KCND2: variants seen among roughly 807,000 people sequenced by gnomAD.
The protein encoded by KCND2 is A-type voltage-gated potassium channel KCND2.
In KCND2, 16 loss-of-function variants were observed where a neutral mutation model predicts 54.4. The ratio of observed to expected loss-of-function variants is 0.29; its 90% confidence interval spans 0.20 to 0.45. KCND2 has a LOEUF of 0.45. KCND2 is among the 20% of genes least tolerant of loss of function. The probability of loss-of-function intolerance (pLI) is 1.00; values close to 1 mark genes in which losing one functional copy is unlikely to be tolerated. For missense variants in KCND2, 486 were observed against 824.2 expected, an observed-to-expected ratio of 0.59 and a Z score of 5.02; for synonymous variants, 317 against 310.7, an observed-to-expected ratio of 1.02 and a Z score of -0.21.
intron 1 of KCND2, among the ~76,000 whole-genome samples, chr7:120,302,115 A>G (rs1799592292): frequency 6.6e-6 from 1 of 152,156 alleles, no homozygotes; most frequent in Non-Finnish European, 1.5e-5. Flanking sequence ...ATCTTTACCT[A>G]GTTAATTCAT....
At chr7:120,380,141 T>G (rs1458782106) in intron 1 of KCND2, among the ~76,000 whole-genome samples, 1 of 152,084 alleles carries the variant, frequency 6.6e-6, no homozygotes, top group African/African-American at 2.4e-5. Context: ...TAGATAACTT[T>G]CAGAAACAGC....
At chr7:120,309,482 C>T (rs34424649) in intron 1 of KCND2, among the ~76,000 whole-genome samples, 4,156 of 56,668 alleles carry the variant, frequency 0.073, 96 homozygotes, top group Non-Finnish European at 0.12. Context: ...TATACACACA[C>T]ACACACACAC....
At position 120,543,048 on chromosome 7, in the gene KCND2, G is replaced by A. The variant is rs558252581; in HGVS notation, c.1116-189855G>A. ...CACAGCCCTCATACAGTATTGACAT[G>A]TATTATAGACATTCACTAAGGTTTT... On this transcript the variant is annotated intron_variant, in intron 1 of 5. Transcript: ENST00000331113. Among the ~76,000 whole-genome samples, 14 of 152,110 alleles carry A rather than the reference G, an allele frequency of 9.2e-5. No homozygotes were observed. The South Asian group carries it at 2.9e-3, about 32-fold the overall frequency.
chr7:120,490,881 T>C (rs1312716621), intron 1 of KCND2, among the ~76,000 whole-genome samples: 1 of 152,146 alleles, frequency 6.6e-6, no homozygotes, highest in Non-Finnish European at 1.5e-5. Context: ...TAAGTAAACC[T>C]GTCATCTCAT....
At chr7:120,364,907 C>G (rs1035003324) in intron 1 of KCND2, among the ~76,000 whole-genome samples, 1 of 151,734 alleles carries the variant, frequency 6.6e-6, no homozygotes, top group Non-Finnish European at 1.5e-5. Context: ...AATTCAGAAG[C>G]CTAACTAAAG....
At chr7:120,355,479 G>T (rs770841586) in intron 1 of KCND2, among the ~76,000 whole-genome samples, 5 of 151,968 alleles carry the variant, frequency 3.3e-5, no homozygotes, top group East Asian at 1.9e-4. Flanking sequence ...CCTGGGAGGT[G>T]GGGGGGTGCA....
intron 4 of KCND2, among the ~76,000 whole-genome samples, chr7:120,745,117 A>G (rs1471322619): frequency 6.6e-6 from 1 of 152,202 alleles, no homozygotes; most frequent in African/African-American, 2.4e-5. Context: ...GAAGATTACA[A>G]AAAAGGCCAC....
At chr7:120,382,105 T>A (rs755302605) in intron 1 of KCND2, among the ~76,000 whole-genome samples, 2 of 151,946 alleles carry the variant, frequency 1.3e-5, no homozygotes, top group Non-Finnish European at 2.9e-5. Flanking sequence ...TTTGGAAGCA[T>A]ATTCCAACCA....
At chr7:120,397,995 G>GTATATA (rs200944488) in intron 1 of KCND2, among the ~76,000 whole-genome samples, 6 of 93,110 alleles carry the variant, frequency 6.4e-5, no homozygotes, top group African/African-American at 2.2e-4. Flanking sequence ...GTGTGTGTGT[G>GTATATA]TATATATATA....
At chr7:120,473,722 G>A (rs1562848674) in intron 1 of KCND2, among the ~76,000 whole-genome samples, 3 of 151,972 alleles carry the variant, frequency 2.0e-5, no homozygotes, top group African/African-American at 7.2e-5. Flanking sequence ...CCAATCCAAA[G>A]TTTTTTTAAA....
intron 1 of KCND2, among the ~76,000 whole-genome samples, chr7:120,679,648 T>C (rs1792115092): frequency 1.3e-5 from 2 of 152,078 alleles, no homozygotes; most frequent in African/African-American, 2.4e-5. Flanking sequence ...CTTAAAAAAA[T>C]GGCTGCCTAA....
At chr7:120,488,225 C>A (rs1802722770) in intron 1 of KCND2, among the ~76,000 whole-genome samples, 1 of 151,770 alleles carries the variant, frequency 6.6e-6, no homozygotes, top group South Asian at 2.1e-4. Context: ...ATGAAAAAAC[C>A]CATATAAAAG....
intron 2 of KCND2, among the ~76,000 whole-genome samples, chr7:120,740,183 A>G (rs1389756786): frequency 6.6e-6 from 1 of 152,054 alleles, no homozygotes; most frequent in Non-Finnish European, 1.5e-5. Flanking sequence ...AATTTCTCAC[A>G]GGATTCTCTA....
chr7:120,470,276 G>GTAAAGAGAGAAAA, intron 1 of KCND2, among the ~76,000 whole-genome samples: 1 of 152,164 alleles, frequency 6.6e-6, no homozygotes, highest in Middle Eastern at 3.4e-3. Flanking sequence ...AGAAAATTTA[G>GTAAAGAGAGAAAA]TTCTAAATGT....
At chr7:120,740,830 T>C (rs1159323457) in intron 2 of KCND2, 2 of 456,184 alleles carry the variant, frequency 4.4e-6, no homozygotes, top group Admixed American at 4.7e-5. Flanking sequence ...AAGAGTGAAA[T>C]ACAAATCAGA....
Position 120,273,957 on chromosome 7 carries a change from ATCTC to A in KCND2, c.-674_-671del, listed in dbSNP as rs1352845581. On this transcript the variant is annotated 5_prime_UTR_variant, in exon 1 of 6. Transcript: ENST00000331113. ...GTGTTTGTAGACGTGGGGGAGGAGA[ATCTC>A]TATTAACGCCCCCCACCGTAACCAC... is the stretch of plus-strand genomic sequence containing the variant. The A allele has an allele frequency of 6.5e-6, 1 of 152,982 alleles. No individual in the cohort carries two copies. Among genetic ancestry groups the A allele is most frequent in the East Asian group, 1.9e-4 (1 of 5,148 alleles). 9.5% of individuals were successfully genotyped at this position (152,982 alleles called of 1,614,324 possible). A position where few individuals can be genotyped will look rare whatever the true frequency, so the allele number is the denominator to read the frequency against.
chr7:120,502,396 G>A (rs954088917), intron 1 of KCND2, among the ~76,000 whole-genome samples: 11 of 152,012 alleles, frequency 7.2e-5, no homozygotes, highest in Non-Finnish European at 1.2e-4. Flanking sequence ...GGGTAGGACA[G>A]TTTTTACTAG....
At chr7:120,576,128 T>C (rs1045626760) in intron 1 of KCND2, among the ~76,000 whole-genome samples, 1 of 152,146 alleles carries the variant, frequency 6.6e-6, no homozygotes, top group Admixed American at 6.6e-5. Context: ...CATTTTGATA[T>C]AGTCTTCTTC....
intron 1 of KCND2, among the ~76,000 whole-genome samples, chr7:120,364,561 G>A (rs1455758385): frequency 2.0e-5 from 3 of 152,124 alleles, no homozygotes. Flanking sequence ...GCAAGGTTTT[G>A]CAATGGGGGA....
Sources: gnomAD v4.1 joint callset for allele counts (sites outside exome capture counted in the v4.1 genomes callset) on GRCh38, gnomAD v4.1.1 for gene constraint, MANE v1.5 for transcripts, NCBI Gene and HGNC (gene_info 2026-07-23, HGNC 2026-07-21) for gene names.